Variants in CNTN4 observed in about 807,000 individuals in gnomAD.
The protein encoded by CNTN4 is contactin 4.
In CNTN4, 77 loss-of-function variants were observed where a neutral mutation model predicts 122.5. The ratio of observed to expected loss-of-function variants is 0.63; its 90% CI spans 0.52 to 0.76. The LOEUF (loss-of-function observed/expected upper bound fraction) is 0.76. Ranked by LOEUF, CNTN4 falls within the 30% of genes least tolerant of loss-of-function variation. The pLI is 0.00. For synonymous variants in CNTN4, 512 were observed against 447.0 expected (o/e 1.15, Z -1.83); for missense variants, 1,256 against 1,259.1 (o/e 1.00, Z 0.04).
chr3:2,592,258 A>T (rs1201763622), intron 4 of CNTN4, among the ~76,000 whole-genome samples: 2 of 152,216 alleles, frequency 1.3e-5, no homozygotes, highest in African/African-American at 2.4e-5. Context: ...TGGCACTGAT[A>T]CATAAGAAAA....
At chr3:2,797,682 T>A (rs937146778) in intron 6 of CNTN4, among the ~76,000 whole-genome samples, 2 of 152,194 alleles carry the variant, frequency 1.3e-5, no homozygotes, top group South Asian at 2.1e-4. Context: ...ACTGCAAAGT[T>A]TTTTTGTGCA....
In CNTN4 at chr3:2,781,793, C is replaced by T. The variant is rs7431328; in HGVS notation, c.358+36096C>T. On this transcript the variant is annotated intron_variant, in intron 6 of 24. Coordinates refer to ENST00000418658, the MANE Select transcript of CNTN4 (RefSeq NM_175607.3). ...AGGCTGGAGGGCAGTAGCGCGATCT[C>T]TGCTCACTGCAACCTCCGCCTCCCG... Among the ~76,000 whole-genome samples, 5 of 124,448 alleles carry T rather than the reference C, an allele frequency of 4.0e-5. No homozygotes were observed. The South Asian group carries it at 7.6e-4, about 19-fold the overall frequency. 81.6% of individuals were successfully genotyped at this position (124,448 alleles called of 152,430 possible).
chr3:2,347,806 T>TA (rs1489424343), intron 3 of CNTN4, among the ~76,000 whole-genome samples: 9 of 150,658 alleles, frequency 6.0e-5, no homozygotes, highest in South Asian at 2.1e-4. Flanking sequence ...TTTTTTTTTT[T>TA]AATTTCAATT....
intron 2 of CNTN4, among the ~76,000 whole-genome samples, chr3:2,300,172 C>T (rs2042452761): frequency 6.6e-6 from 1 of 152,136 alleles, no homozygotes; most frequent in African/African-American, 2.4e-5. Context: ...ATTACTGAGA[C>T]ATTTTGAACA....
chr3:2,360,583 C>G (rs566121788), intron 3 of CNTN4, among the ~76,000 whole-genome samples: 1 of 152,226 alleles, frequency 6.6e-6, no homozygotes, highest in African/African-American at 2.4e-5. Context: ...GCTTAATTAA[C>G]TCACAGTTCA....
intron 2 of CNTN4, among the ~76,000 whole-genome samples, chr3:2,143,047 C>T (rs1428087249): frequency 6.6e-6 from 1 of 152,148 alleles, no homozygotes; most frequent in Non-Finnish European, 1.5e-5. Flanking sequence ...ATTACGTAAG[C>T]GATTTTTCTC....
At chr3:2,582,047 G>T (rs776614047) in intron 4 of CNTN4, among the ~76,000 whole-genome samples, 1 of 152,186 alleles carries the variant, frequency 6.6e-6, no homozygotes, top group African/African-American at 2.4e-5. Flanking sequence ...TTAGGCTGAT[G>T]AAAATATTCT....
chr3:2,806,402 A>G (rs2092469255), intron 6 of CNTN4, among the ~76,000 whole-genome samples: 1 of 152,156 alleles, frequency 6.6e-6, no homozygotes, highest in South Asian at 2.1e-4. Flanking sequence ...CACAAGTAAT[A>G]TTGACGAAGG....
chr3:2,827,538 G>A (rs2093012056), intron 7 of CNTN4, among the ~76,000 whole-genome samples: 1 of 152,088 alleles, frequency 6.6e-6, no homozygotes, highest in African/African-American at 2.4e-5. Context: ...TTTTATGTAG[G>A]CAGATACTTT....
intron 6 of CNTN4, among the ~76,000 whole-genome samples, chr3:2,791,690 A>G (rs967696708): frequency 7.9e-5 from 12 of 152,158 alleles, no homozygotes; most frequent in African/African-American, 2.9e-4. Flanking sequence ...AAACAAAAGA[A>G]ATGTGTTCTT....
At chr3:2,876,302 G>A (rs546086848) in intron 8 of CNTN4, among the ~76,000 whole-genome samples, 3 of 152,148 alleles carry the variant, frequency 2.0e-5, no homozygotes, top group African/African-American at 7.2e-5. Context: ...CTTCAACCCA[G>A]GGGAAAACAT....
chr3:2,129,294 A>G (rs908454776), intron 2 of CNTN4, among the ~76,000 whole-genome samples: 6 of 150,218 alleles, frequency 4.0e-5, no homozygotes, highest in Admixed American at 6.7e-5. Flanking sequence ...AGCGCACATC[A>G]TGTGCAGAGA....
intron 13 of CNTN4, among the ~76,000 whole-genome samples, chr3:2,950,747 C>G (rs1184065615): frequency 2.6e-5 from 4 of 152,188 alleles, no homozygotes; most frequent in African/African-American, 9.6e-5. Context: ...TTGGTTTTAA[C>G]TCTATATGGA....
chr3:2,639,542 ACTT>A (rs202173364), intron 4 of CNTN4, among the ~76,000 whole-genome samples: 2,592 of 152,182 alleles, frequency 0.017, 62 homozygotes, highest in African/African-American at 0.059. Context: ...ACATTTATAA[ACTT>A]CTAACACACT....
intron 7 of CNTN4, among the ~76,000 whole-genome samples, chr3:2,824,219 G>T (rs1404028635): frequency 6.6e-6 from 1 of 151,518 alleles, no homozygotes; most frequent in African/African-American, 2.4e-5. Flanking sequence ...AGCACTTTGG[G>T]AGGAGGCCGA....
intron 2 of CNTN4, among the ~76,000 whole-genome samples, chr3:2,302,975 G>A (rs2042577831): frequency 6.6e-6 from 1 of 152,142 alleles, no homozygotes; most frequent in African/African-American, 2.4e-5. Context: ...GGAAGAAGCT[G>A]CTTTGTTTAC....
chr3:2,757,298 C>G (rs978661386), intron 6 of CNTN4, among the ~76,000 whole-genome samples: 4 of 152,154 alleles, frequency 2.6e-5, no homozygotes, highest in Admixed American at 6.6e-5. Context: ...TGCAGGCCTT[C>G]TCTGAAATAG....
At chr3:2,433,794 G>C (rs62233806) in intron 3 of CNTN4, among the ~76,000 whole-genome samples, 2 of 152,174 alleles carry the variant, frequency 1.3e-5, no homozygotes, top group South Asian at 2.1e-4. Flanking sequence ...AGTTGATCTA[G>C]GTTTACGATG....
chr3:3,023,550 A>C (rs914024500), intron 14 of CNTN4, among the ~76,000 whole-genome samples: 1 of 152,128 alleles, frequency 6.6e-6, no homozygotes, highest in African/African-American at 2.4e-5. Flanking sequence ...GTATGTGCCA[A>C]CTCCTTGCTG....
Sources: allele counts gnomAD v4.1 joint callset (sites outside exome capture counted in the v4.1 genomes callset), GRCh38; gene constraint gnomAD v4.1.1; transcripts MANE v1.5; gene names NCBI Gene and HGNC (gene_info 2026-07-23, HGNC 2026-07-21).